The following KIF2C variants were observed in gnomAD, a reference collection of about 807,000 sequenced individuals.
KIF2C encodes the protein kinesin family member 2C, also known as kinesin-like protein KIF2C.
Under a neutral mutation model 97.4 loss-of-function variants are expected in KIF2C, and 34 were observed. The ratio of observed to expected loss-of-function variants is 0.35; its 90% CI spans 0.27 to 0.46. The LOEUF is 0.46. KIF2C is among the 20% of genes least tolerant of loss of function. The pLI, the probability that KIF2C is intolerant of heterozygous loss-of-function variation, is 1.00. For synonymous variants in KIF2C, 313 were observed against 318.2 expected (o/e 0.98, Z 0.17); for missense variants, 750 against 907.6 (o/e 0.83, Z 2.23).
At chr1:44,750,126 T>C (rs1649429986) in intron 4 of KIF2C, among the ~76,000 whole-genome samples, 1 of 151,364 alleles carries the variant, frequency 6.6e-6, no homozygotes, top group African/African-American at 2.4e-5. Flanking sequence ...TCTCAAGGAC[T>C]TAGATTAGGT....
At position 44,744,368 on chromosome 1, in the gene KIF2C, A is replaced by G. The variant is rs962756319; in HGVS notation, c.166-3016A>G. Among the ~76,000 whole-genome samples the G allele has an allele frequency of 1.2e-4, 19 of 152,166 alleles. 1 individual carries two copies. The highest frequency in any genetic ancestry group is 4.3e-4 in the African/African-American group (18 of 41,440). On this transcript the variant is annotated intron_variant, in intron 2 of 20. Coordinates refer to ENST00000372224, the MANE Select transcript of KIF2C (RefSeq NM_006845.4). ...AGTGATCTGGCCATCTTGGCCTCCT[A>G]AAGTGCTGGGATTACAGGCATGAGC...
chr1:44,750,656 T>TC (rs1485259520), intron 5 of KIF2C, 92 bp downstream of exon 5: 11 of 1,314,180 alleles, frequency 8.4e-6, no homozygotes, highest in Non-Finnish European at 9.8e-6. Context: ...ATTCATCCAT[T>TC]CCCCCAGCTT....
intron 10 of KIF2C, 118 bp downstream of exon 10, chr1:44,756,355 G>T: frequency 9.0e-7 from 1 of 1,108,222 alleles, no homozygotes; most frequent in Non-Finnish European, 1.3e-6. Flanking sequence ...CTCGCTTCTT[G>T]TGTTTTCTTT....
Position 44,756,147 on chromosome 1 carries a change from T to G in KIF2C, c.887T>G (p.Leu296Trp), listed in dbSNP as rs2148828931. ...CTCCTCTTGGTACATGAACCCAAGT[T>G]GAAAGTGGACTTAACAAAGTATCTG... ...KCLLLVHEPK[L>W]KVDLTKYLEN... Residue 296 changes from leucine to tryptophan, a missense_variant, in exon 10 of 21, where the codon TTG (leucine) becomes TGG (tryptophan). Coordinates refer to ENST00000372224, the MANE Select transcript of KIF2C (RefSeq NM_006845.4). 6.2e-7 allele frequency: 1 copy of G among 1,614,218 alleles called. No individual in the cohort carries two copies. Among genetic ancestry groups the G allele is most frequent in the South Asian group, 1.1e-5 (1 of 91,088 alleles).
chr1:44,767,279 T>A lies in KIF2C; in HGVS notation c.*100T>A. The stretch of plus-strand genomic sequence containing the variant: ...TGGTGGGTCTAGGCAGGGTCTGAGC[T>A]GGGACAGGTTCTGGTAAATGCCAAG... On this transcript the variant is annotated 3_prime_UTR_variant, in exon 21 of 21. Transcript: ENST00000372224. 9.9e-7 allele frequency: 1 copy of A among 1,013,416 alleles called. No individual in the cohort carries two copies. Among genetic ancestry groups the A allele is most frequent in the Non-Finnish European group, 1.5e-6 (1 of 663,250 alleles). The allele number at this position is 1,013,416 out of a possible 1,614,324, so 62.8% of individuals were successfully genotyped here.
intron 19 of KIF2C, among the ~76,000 whole-genome samples, chr1:44,763,650 TATATC>T (rs766797380): frequency 6.6e-6 from 1 of 152,054 alleles, no homozygotes; most frequent in East Asian, 1.9e-4. Context: ...GAGCTTTAGA[TATATC>T]ATATGGCCAC....
chr1:44,766,978 G>A lies in KIF2C; in HGVS notation c.2095+29G>A, dbSNP rs571463067. 9.4e-5 allele frequency: 151 copies of A among 1,613,816 alleles called. 2 individuals are homozygous for A. The highest frequency in any genetic ancestry group is 8.0e-4 in the South Asian group (73 of 91,034). Reference sequence around the variant, plus strand: ...GGTGTGGCTGGATGGGGTGCAGGTGGACGATGGTGGCCTCTGCTGGCTCTT... The same window carrying A: ...GGTGTGGCTGGATGGGGTGCAGGTGAACGATGGTGGCCTCTGCTGGCTCTT... On this transcript the variant is annotated intron_variant, in intron 20 of 20. Coordinates refer to ENST00000372224, the MANE Select transcript of KIF2C (RefSeq NM_006845.4).
rs1215232133 is a variant in KIF2C, at chr1:44,758,046, C to T, written c.1133-3C>T. On this transcript the variant is annotated splice_polypyrimidine_tract_variant and splice_region_variant and intron_variant, in intron 12 of 20. Coordinates refer to ENST00000372224, the MANE Select transcript of KIF2C (RefSeq NM_006845.4). ...GTTTGCTTAGCAAAGTTCTCTCCCTCAGCCCGGGACGTCTTCCTCCTGAAG... is the reference window on the plus strand; with the variant it reads ...GTTTGCTTAGCAAAGTTCTCTCCCTTAGCCCGGGACGTCTTCCTCCTGAAG... 1 of 1,614,080 alleles carries T rather than the reference C, an allele frequency of 6.2e-7. No homozygotes were observed. Among genetic ancestry groups the T allele is most frequent in the African/African-American group, 1.3e-5 (1 of 74,918 alleles).
intron 2 of KIF2C, among the ~76,000 whole-genome samples, chr1:44,746,971 C>T (rs895651970): frequency 2.0e-5 from 3 of 151,690 alleles, no homozygotes; most frequent in African/African-American, 7.2e-5. Context: ...AATCTCAGCT[C>T]AATGCAACCT....
In KIF2C at chr1:44,746,568, A is replaced by G. The variant is rs1649205581; in HGVS notation, c.166-816A>G. Reference sequence around the variant, plus strand: ...ACTTGTTTCCTCCTCCGTGTCAGCCATCAAGAGGTGCTTGGGGGGCTGTGC... The same window carrying G: ...ACTTGTTTCCTCCTCCGTGTCAGCCGTCAAGAGGTGCTTGGGGGGCTGTGC... On this transcript the variant is annotated intron_variant, in intron 2 of 20. Transcript: ENST00000372224. The G allele has an allele frequency of 2.9e-6, 4 of 1,380,518 alleles. No homozygotes were observed. The South Asian group carries it at 7.0e-5, about 24-fold the overall frequency. The allele number at this position is 1,380,518 out of a possible 1,614,324, so 85.5% of individuals were successfully genotyped here. A position where few individuals can be genotyped will look rare whatever the true frequency, so the allele number is the denominator to read the frequency against.
chr1:44,759,304 T>G lies in KIF2C; in HGVS notation c.1323T>G (p.Ser441=), dbSNP rs1650014124. 1 of 1,614,092 alleles carries G rather than the reference T, an allele frequency of 6.2e-7. No individual in the cohort carries two copies. The highest frequency in any genetic ancestry group is 1.7e-5 in the Admixed American group (1 of 59,996). Residue 441 remains serine, a synonymous_variant, in exon 14 of 21, where the codon TCT becomes TCG. Transcript: ENST00000372224. ...GGCTGCAGGAGCATCTGGTTAACTC[T>G]GCTGATGATGTCATCAAGATGATCG... ...VVGLQEHLVN[S]ADDVIKMIDM...
intron 14 of KIF2C, 24 bp downstream of exon 14, chr1:44,759,372 G>A: frequency 3.7e-6 from 6 of 1,613,390 alleles, no homozygotes; most frequent in Non-Finnish European, 5.1e-6. Flanking sequence ...TGAGGGGAAG[G>A]AGCGACCTTC....
chr1:44,752,169 C>T lies in KIF2C; in HGVS notation c.440-963C>T, dbSNP rs544708971. On this transcript the variant is annotated intron_variant, in intron 5 of 20. Transcript: ENST00000372224. ...TTTTTTTTTTTTTGAGACAGAGTCT[C>T]GCTCTGTCGCCCAGGCTGGAGTGCA... is the stretch of plus-strand genomic sequence containing the variant. Among the ~76,000 whole-genome samples the T allele has an allele frequency of 2.2e-3, 253 of 117,490 alleles. 2 individuals carry two copies. Among genetic ancestry groups the T allele is most frequent in the African/African-American group, 8.2e-3 (245 of 29,986 alleles). 77.1% of individuals were successfully genotyped at this position (117,490 alleles called of 152,430 possible).
chr1:44,740,786 T>TTG, intron 1 of KIF2C, 127 bp from the exon 2 acceptor site: 1 of 431,208 alleles, frequency 2.3e-6, no homozygotes, highest in Non-Finnish European at 4.3e-6. Flanking sequence ...TTAGTTTTTT[T>TTG]TTTTTTTTTT....
At position 44,760,468 on chromosome 1, in the gene KIF2C, G is replaced by A. The variant is rs1421605882; in HGVS notation, c.1556G>A (p.Ser519Asn). Reference protein sequence around the residue: ...TRMEGAEINKSLLALKECIRA... With the variant: ...TRMEGAEINKNLLALKECIRA... ...ATGGAGGGCGCAGAAATCAACAAGA[G>A]TCTCTTAGCCCTGAAGGTAGTGGGG... Residue 519 changes from serine (S) to asparagine (N), a missense_variant, in exon 15 of 21, where the codon AGT (serine) becomes AAT (asparagine). Transcript: ENST00000372224. This position sits in a 1 kb window ranked among gnomAD's most constrained non-coding sequence, Gnocchi z 4.2. The A allele has an allele frequency of 6.2e-7, 1 of 1,614,124 alleles. No homozygotes were observed. The highest frequency in any genetic ancestry group is 8.5e-7 in the Non-Finnish European group (1 of 1,180,006).
At chr1:44,759,497 A>G in intron 14 of KIF2C, 149 bp downstream of exon 14, 1 of 909,494 alleles carries the variant, frequency 1.1e-6, no homozygotes, top group South Asian at 1.6e-5. Context: ...GGGTCTCAAT[A>G]AGACATATGA....
rs34685023 is a variant in KIF2C at position 44,753,958 on chromosome 1, CTTTTTTTTTTTTT to C, written c.663+140_663+152del. ...GGCTCCAGTTCTTGAGGCCCCAATT[CTTTTTTTTTTTTT>C]TTTTTTTTTTTTTTGCTCTGTTGCC... On this transcript the variant is annotated intron_variant, in intron 7 of 20. Transcript: ENST00000372224. 8.7e-4 allele frequency: 59 copies of C among 67,916 alleles called. No homozygotes were observed. In the East Asian group the frequency reaches 0.015, roughly 17 times the overall value. 4.2% of individuals were successfully genotyped at this position (67,916 alleles called of 1,614,324 possible). A position where few individuals can be genotyped will look rare whatever the true frequency, so the allele number is the denominator to read the frequency against.
chr1:44,762,205 A>G, intron 17 of KIF2C, 141 bp from the exon 18 acceptor site: 1 of 909,838 alleles, frequency 1.1e-6, no homozygotes, highest in Non-Finnish European at 1.8e-6. Context: ...GTCCAGCTTT[A>G]GTTTTCTCTC....
rs1319509374 is a variant in KIF2C at position 44,762,365 on chromosome 1, C to A, written c.1771C>A (p.His591Asn). 6.2e-7 allele frequency: 1 copy of A among 1,614,052 alleles called. No individual in the cohort carries two copies. Among genetic ancestry groups the A allele is most frequent in the African/African-American group, 1.3e-5 (1 of 75,014 alleles). ...YADRVKELSP[H>N]SGPSGEQLIQ... Reference sequence around the variant, plus strand: ...CCTCAGGGTCAAGGAGCTGAGCCCCCACAGTGGGCCCAGTGGAGAGCAGTT... The same window carrying A: ...CCTCAGGGTCAAGGAGCTGAGCCCCAACAGTGGGCCCAGTGGAGAGCAGTT... Residue 591 changes from histidine to asparagine, a missense_variant, in exon 18 of 21, where the codon CAC (histidine) becomes AAC (asparagine). By Grantham distance (68) the His-to-Asn change is moderately conservative (BLOSUM62 1). Transcript: ENST00000372224.
Sources: gnomAD v4.1 joint callset for allele counts (sites outside exome capture counted in the v4.1 genomes callset) on GRCh38, gnomAD v4.1.1 for gene constraint, Gnocchi (gnomAD v3.1) non-coding constraint, MANE v1.5 for transcripts, NCBI Gene and HGNC (gene_info 2026-07-23, HGNC 2026-07-21) for gene names.